TAFA1: variants seen among roughly 807,000 people sequenced by gnomAD.
The protein encoded by TAFA1 is chemokine-like protein TAFA-1.
TAFA1 carries 4 observed loss-of-function variants against 18.5 expected under a neutral mutation model. That is an observed-to-expected ratio of 0.22 (90% CI 0.11 to 0.49). The LOEUF is 0.49. TAFA1 is among the 20% of genes least tolerant of loss of function. The pLI, the probability that TAFA1 is intolerant of heterozygous loss-of-function variation, is 0.98. For synonymous variants in TAFA1, 56 were observed against 55.2 expected (o/e 1.01, Z -0.06); for missense variants, 147 against 169.0 (o/e 0.87, Z 0.72).
intron 2 of TAFA1, among the ~76,000 whole-genome samples, chr3:68,219,678 A>T (rs1210364334): frequency 6.6e-6 from 1 of 152,152 alleles, no homozygotes; most frequent in Non-Finnish European, 1.5e-5. Flanking sequence ...CACCTGATTG[A>T]CATTTATCCA....
At chr3:68,529,196 G>C (rs2073151319) in intron 3 of TAFA1, among the ~76,000 whole-genome samples, 1 of 151,824 alleles carries the variant, frequency 6.6e-6, no homozygotes, top group Non-Finnish European at 1.5e-5. Context: ...AGATGACCGA[G>C]TTACTGGTTA....
rs570319508 is a variant in TAFA1, at chr3:68,227,425, C to G, written c.119-189855C>G. ...GAAAGGGAATCAAGACAGATTAGAA[C>G]ATAATTATGTGGGCTGGAATTCAGC... On this transcript the variant is annotated intron_variant, in intron 2 of 4. Coordinates refer to ENST00000478136, the MANE Select transcript of TAFA1 (RefSeq NM_213609.4). 2.0e-5 allele frequency among the ~76,000 whole-genome samples: 3 copies of G among 152,240 alleles called. No homozygotes were observed. In the South Asian group the frequency reaches 6.2e-4, roughly 32 times the overall value.
intron 2 of TAFA1, among the ~76,000 whole-genome samples, chr3:68,413,194 C>G (rs903050053): frequency 6.6e-6 from 1 of 152,162 alleles, no homozygotes; most frequent in African/African-American, 2.4e-5. Context: ...AGTGTCTGTT[C>G]ATATCCTTTG....
At chr3:68,164,232 A>G (rs771122603) in intron 2 of TAFA1, among the ~76,000 whole-genome samples, 1 of 152,222 alleles carries the variant, frequency 6.6e-6, no homozygotes, top group Non-Finnish European at 1.5e-5. Flanking sequence ...CACTCAGAGT[A>G]GAAACTTCAC....
At chr3:68,027,248 G>T (rs541305315) in intron 2 of TAFA1, among the ~76,000 whole-genome samples, 1 of 152,186 alleles carries the variant, frequency 6.6e-6, no homozygotes, top group South Asian at 2.1e-4. Context: ...TGCCTTTTGA[G>T]GTAGACTATT....
At chr3:68,103,615 G>C (rs1392273137) in intron 2 of TAFA1, among the ~76,000 whole-genome samples, 1 of 152,118 alleles carries the variant, frequency 6.6e-6, no homozygotes, top group Non-Finnish European at 1.5e-5. Context: ...GTCTGGAAGA[G>C]TATCAGAATT....
At chr3:68,414,555 T>C (rs927938460) in intron 2 of TAFA1, among the ~76,000 whole-genome samples, 2 of 152,136 alleles carry the variant, frequency 1.3e-5, no homozygotes, top group Non-Finnish European at 2.9e-5. Flanking sequence ...CAGCTTCTCA[T>C]GTGTAAAGTG....
intron 2 of TAFA1, among the ~76,000 whole-genome samples, chr3:68,381,345 A>G (rs1028339865): frequency 4.0e-5 from 6 of 151,136 alleles, no homozygotes; most frequent in Non-Finnish European, 7.4e-5. Context: ...CATTGAATCT[A>G]TAAATTACCT....
chr3:68,500,740 CA>C (rs1257413144), intron 3 of TAFA1, among the ~76,000 whole-genome samples: 2 of 151,778 alleles, frequency 1.3e-5, no homozygotes, highest in African/African-American at 4.8e-5. Flanking sequence ...CTACCCTAAG[CA>C]ATCACTGTGA....
At chr3:68,468,868 T>C (rs769299180) in intron 3 of TAFA1, among the ~76,000 whole-genome samples, 2 of 152,256 alleles carry the variant, frequency 1.3e-5, no homozygotes, top group Non-Finnish European at 2.9e-5. Context: ...ATGTTTGCTG[T>C]CTGCATGACT....
intron 2 of TAFA1, among the ~76,000 whole-genome samples, chr3:68,387,943 A>C (rs72628609): frequency 0.024 from 3,640 of 152,278 alleles, 65 homozygotes; most frequent in East Asian, 0.093. Flanking sequence ...TATATCATTA[A>C]AACTAATTCC....
At chr3:68,417,205 T>C in intron 2 of TAFA1, 75 bp from the exon 3 acceptor site, 1 of 1,288,414 alleles carries the variant, frequency 7.8e-7, no homozygotes, top group Non-Finnish European at 1.1e-6. Flanking sequence ...TCAACCCCGC[T>C]ACATGCACTC....
At chr3:68,382,424 A>G (rs553534137) in intron 2 of TAFA1, among the ~76,000 whole-genome samples, 3 of 152,092 alleles carry the variant, frequency 2.0e-5, no homozygotes, top group Admixed American at 6.6e-5. Context: ...TCCAGTATCA[A>G]TCTTCTGCTT....
At chr3:68,161,659 C>A (rs557949634) in intron 2 of TAFA1, among the ~76,000 whole-genome samples, 25 of 152,072 alleles carry the variant, frequency 1.6e-4, no homozygotes, top group Non-Finnish European at 2.9e-4. Flanking sequence ...TATCATTTTG[C>A]TAGTGAGAAA....
intron 2 of TAFA1, among the ~76,000 whole-genome samples, chr3:68,232,806 G>C (rs771990226): frequency 6.6e-6 from 1 of 152,002 alleles, no homozygotes; most frequent in African/African-American, 2.4e-5. Flanking sequence ...GTCTCGTTAC[G>C]TTTCTCAGTC....
chr3:68,294,552 T>C (rs765396024), intron 2 of TAFA1, among the ~76,000 whole-genome samples: 1 of 152,214 alleles, frequency 6.6e-6, no homozygotes, highest in Non-Finnish European at 1.5e-5. Flanking sequence ...TGTTTTATAC[T>C]ATTTCCATTT....
At chr3:68,116,386 A>G (rs1423879199) in intron 2 of TAFA1, among the ~76,000 whole-genome samples, 1 of 152,234 alleles carries the variant, frequency 6.6e-6, no homozygotes. Context: ...AAGTGTAAGT[A>G]TCTCAATCAG....
chr3:68,236,276 A>G (rs544008541), intron 2 of TAFA1, among the ~76,000 whole-genome samples: 10 of 152,292 alleles, frequency 6.6e-5, no homozygotes, highest in African/African-American at 2.2e-4. Context: ...TAATATTCTA[A>G]GCTTTTTGTT....
At chr3:68,104,495 T>C (rs997496440) in intron 2 of TAFA1, among the ~76,000 whole-genome samples, 1 of 152,036 alleles carries the variant, frequency 6.6e-6, no homozygotes, top group Non-Finnish European at 1.5e-5. Flanking sequence ...CTGCTTTAAA[T>C]GGAATATATT....
Sources: gnomAD v4.1 joint callset for allele counts (sites outside exome capture counted in the v4.1 genomes callset) on GRCh38, gnomAD v4.1.1 for gene constraint, MANE v1.5 for transcripts, NCBI Gene and HGNC (gene_info 2026-07-23, HGNC 2026-07-21) for gene names.